The following ASB4 variants were observed in gnomAD, a reference collection of about 807,000 sequenced individuals.
ASB4 encodes the protein ankyrin repeat and SOCS box containing 4.
In ASB4, 35 loss-of-function variants were observed where a neutral mutation model predicts 38.6. That is an observed-to-expected ratio of 0.91 (90% confidence interval 0.69 to 1.20). ASB4 has a LOEUF of 1.20. ASB4 is among the 50% of genes most tolerant of loss of function. ASB4 has a pLI of 0.00. For synonymous variants in ASB4, 195 were observed against 201.3 expected (o/e 0.97, Z 0.26); for missense variants, 557 against 527.2 (o/e 1.06, Z -0.55).
chr7:95,515,443 G>T (rs1306751698), intron 2 of ASB4, among the ~76,000 whole-genome samples: 1 of 127,048 alleles, frequency 7.9e-6, no homozygotes. Context: ...TTAAGACAGA[G>T]TCTCATTCTG....
intron 2 of ASB4, among the ~76,000 whole-genome samples, chr7:95,514,851 G>T (rs940051584): frequency 6.6e-6 from 1 of 152,210 alleles, no homozygotes; most frequent in Non-Finnish European, 1.5e-5. Flanking sequence ...GTGTGAAGGG[G>T]ACTTGGTCTT....
At chr7:95,492,706 G>A (rs1218284407) in intron 1 of ASB4, among the ~76,000 whole-genome samples, 1 of 152,184 alleles carries the variant, frequency 6.6e-6, no homozygotes, top group Non-Finnish European at 1.5e-5. Context: ...TTTCCAATCA[G>A]TTGTCACAGA....
upstream of ASB4, among the ~76,000 whole-genome samples, chr7:95,483,168 A>G (rs1790038174): frequency 6.6e-6 from 1 of 152,204 alleles, no homozygotes; most frequent in Non-Finnish European, 1.5e-5. Context: ...CGGAGATATC[A>G]GGGAGGGTCC....
Position 95,495,878 on chromosome 7 carries a change from G to A in ASB4, c.308G>A (p.Cys103Tyr). ...VLLDHNATIN[C>Y]RPNGKTPLHV... ...CTGGACCACAATGCTACAATCAACTGTAGACCCAATGGGAAAACCCCTCTT... is the reference window on the plus strand; with the variant it reads ...CTGGACCACAATGCTACAATCAACTATAGACCCAATGGGAAAACCCCTCTT... The change falls in exon 2 of 5, where the codon TGT becomes TAT. Residue 103 changes from cysteine to tyrosine, a missense_variant. Cys to Tyr is a radical substitution (Grantham distance 194). Transcript: ENST00000325885. The A allele has an allele frequency of 1.2e-6, 2 of 1,613,966 alleles. No homozygotes were observed. The highest frequency in any genetic ancestry group is 2.2e-5 in the South Asian group (2 of 91,076).
At chr7:95,537,284 T>G (rs2116659698) in intron 4 of ASB4, among the ~76,000 whole-genome samples, 1 of 152,328 alleles carries the variant, frequency 6.6e-6, no homozygotes. Flanking sequence ...AAGCACATAA[T>G]GTGTTTAAAA....
At chr7:95,518,408 T>C (rs1360364616) in intron 2 of ASB4, among the ~76,000 whole-genome samples, 2 of 152,256 alleles carry the variant, frequency 1.3e-5, no homozygotes, top group African/African-American at 2.4e-5. Flanking sequence ...CCAAGGCAGC[T>C]TGGAGCCCTG....
intron 1 of ASB4, among the ~76,000 whole-genome samples, chr7:95,495,132 AAAAAT>A (rs1384943090): frequency 6.6e-6 from 1 of 152,164 alleles, no homozygotes; most frequent in Non-Finnish European, 1.5e-5. Flanking sequence ...AAATCGTTTA[AAAAAT>A]CTTTAAGTGT....
At chr7:95,505,690 C>A (rs896675011) in intron 2 of ASB4, among the ~76,000 whole-genome samples, 2 of 140,248 alleles carry the variant, frequency 1.4e-5, no homozygotes, top group Non-Finnish European at 3.1e-5. Flanking sequence ...TCCGTGTCCC[C>A]CCCCCCCCAA....
intron 2 of ASB4, among the ~76,000 whole-genome samples, chr7:95,497,069 G>A (rs539436192): frequency 6.6e-6 from 1 of 152,184 alleles, no homozygotes; most frequent in South Asian, 2.1e-4. Flanking sequence ...AGGGTAGAGG[G>A]GAGTGTTACA....
At chr7:95,545,971 G>A in the ASB4 span, among the ~76,000 whole-genome samples, 1,410 of 152,302 alleles carry the variant, frequency 9.3e-3, 12 homozygotes, top group Non-Finnish European at 0.014. Flanking sequence ...AATCATAAAA[G>A]AATTAGTTAT....
chr7:95,483,492 C>T (rs926733992), upstream of ASB4, among the ~76,000 whole-genome samples: 2 of 152,232 alleles, frequency 1.3e-5, no homozygotes, highest in African/African-American at 4.8e-5. Flanking sequence ...CAGATTAACA[C>T]ATCAGGTTGG....
In ASB4 at chr7:95,530,105, C is replaced by CAAAA. The variant is rs60923712; in HGVS notation, c.978+1814_978+1817dup. Reference sequence around the variant, plus strand: ...TAGGTGCTATGGAGAAAAAGCAGGGCAAAAAAAAAAAAAAAGAGAATGCCA... The same window carrying CAAAA: ...TAGGTGCTATGGAGAAAAAGCAGGGCAAAAAAAAAAAAAAAAAAAGAGAATGCCA... On this transcript the variant is annotated intron_variant, in intron 3 of 4. Coordinates refer to ENST00000325885, the MANE Select transcript of ASB4 (RefSeq NM_016116.3). Among the ~76,000 whole-genome samples the CAAAA allele has an allele frequency of 1.1e-3, 109 of 99,660 alleles. 6 individuals carry two copies. The highest frequency in any genetic ancestry group is 1.7e-3 in the African/African-American group (45 of 26,026). 65.4% of individuals were successfully genotyped at this position (99,660 alleles called of 152,430 possible).
At chr7:95,501,418 G>A (rs1451324979) in intron 2 of ASB4, among the ~76,000 whole-genome samples, 1 of 152,160 alleles carries the variant, frequency 6.6e-6, no homozygotes, top group Non-Finnish European at 1.5e-5. Flanking sequence ...GATGTCACTG[G>A]CCTTCATTTT....
chr7:95,551,304 A>G, the ASB4 span, among the ~76,000 whole-genome samples: 1 of 152,192 alleles, frequency 6.6e-6, no homozygotes, highest in Non-Finnish European at 1.5e-5. Context: ...AGCACTTTAA[A>G]TGAGTTATTC....
Position 95,537,672 on chromosome 7 carries a change from C to G in ASB4, c.1194C>G (p.Asn398Lys). 1.2e-6 allele frequency: 2 copies of G among 1,613,926 alleles called. No individual in the cohort carries two copies. The highest frequency in any genetic ancestry group is 1.7e-6 in the Non-Finnish European group (2 of 1,179,814). Residue 398 changes from asparagine (N) to lysine (K), a missense_variant, in exon 5 of 5, where the codon AAC (asparagine) becomes AAG (lysine). Transcript: ENST00000325885. ...GTGCCATTAGAAGAACATTACACAA[C>G]AGATGCCATAGAGCAATTCCTTTGC... ...SRCAIRRTLH[N>K]RCHRAIPLLS...
intron 2 of ASB4, among the ~76,000 whole-genome samples, chr7:95,523,546 A>C (rs1055953307): frequency 6.6e-6 from 1 of 152,218 alleles, no homozygotes; most frequent in African/African-American, 2.4e-5. Context: ...TTAAGTGTGT[A>C]ATATACTGCT....
chr7:95,549,171 A>G, the ASB4 span, among the ~76,000 whole-genome samples: 2 of 152,094 alleles, frequency 1.3e-5, no homozygotes, highest in Admixed American at 6.6e-5. Context: ...GAGGATGGGG[A>G]TATAGAAAGA....
intron 4 of ASB4, 108 bp downstream of exon 4, chr7:95,536,658 AG>A: frequency 1.6e-6 from 1 of 641,196 alleles, no homozygotes; most frequent in African/African-American, 1.8e-5. Flanking sequence ...ATGCCTTTAA[AG>A]CGTACTCAAA....
At chr7:95,477,781 T>C (rs1229517908), upstream of ASB4, among the ~76,000 whole-genome samples, 1 of 151,864 alleles carries the variant, frequency 6.6e-6, no homozygotes, top group Admixed American at 6.6e-5. Flanking sequence ...CAAGCAAAAT[T>C]AAGTTCTTTT....
Sources: gnomAD v4.1 joint callset for allele counts (sites outside exome capture counted in the v4.1 genomes callset) on GRCh38, gnomAD v4.1.1 for gene constraint, MANE v1.5 for transcripts, NCBI Gene and HGNC (gene_info 2026-07-23, HGNC 2026-07-21) for gene names.